Variants in DSCAML1 observed in about 807,000 individuals in gnomAD.
The protein encoded by DSCAML1 is cell adhesion molecule DSCAML1.
Under a neutral mutation model 200.5 loss-of-function variants are expected in DSCAML1, and 38 were observed. That is an observed-to-expected ratio of 0.19 (90% CI 0.15 to 0.25). The LOEUF is 0.25. Ranked by LOEUF, DSCAML1 falls within the 10% of genes least tolerant of loss-of-function variation. The probability of loss-of-function intolerance (pLI) is 1.00; values close to 1 mark genes in which losing one functional copy is unlikely to be tolerated. For missense variants in DSCAML1, 2,223 were observed against 2,858.8 expected (o/e 0.78, Z 5.07); for synonymous variants, 1,215 against 1,165.0 (o/e 1.04, Z -0.87).
chr11:117,609,846 G>A (rs2051650453), intron 3 of DSCAML1, among the ~76,000 whole-genome samples: 1 of 152,048 alleles, frequency 6.6e-6, no homozygotes, highest in Non-Finnish European at 1.5e-5. Flanking sequence ...GTATAGAGTG[G>A]TGAATGGAGT....
intron 3 of DSCAML1, among the ~76,000 whole-genome samples, chr11:117,698,656 A>G (rs1421253200): frequency 6.6e-6 from 1 of 152,156 alleles, no homozygotes; most frequent in Admixed American, 6.5e-5. Flanking sequence ...TTTAATTTGA[A>G]TGTAATCATC....
intron 5 of DSCAML1, among the ~76,000 whole-genome samples, chr11:117,524,249 C>T (rs2049933619): frequency 6.6e-6 from 1 of 152,362 alleles, no homozygotes; most frequent in African/African-American, 2.4e-5. Flanking sequence ...GGGTTGACAT[C>T]CAGCTGGAAG....
At chr11:117,764,545 T>A (rs1170299072) in intron 3 of DSCAML1, among the ~76,000 whole-genome samples, 1 of 152,194 alleles carries the variant, frequency 6.6e-6, no homozygotes, top group African/African-American at 2.4e-5. Flanking sequence ...AATTAAATAA[T>A]GAACTAAAAA....
intron 8 of DSCAML1, among the ~76,000 whole-genome samples, chr11:117,506,149 G>T (rs1022477878): frequency 2.0e-5 from 3 of 152,190 alleles, no homozygotes; most frequent in African/African-American, 7.2e-5. Context: ...GGCAAGAGGG[G>T]AAGCGTGGTG....
At chr11:117,638,696 T>G (rs2052340851) in intron 3 of DSCAML1, among the ~76,000 whole-genome samples, 1 of 152,230 alleles carries the variant, frequency 6.6e-6, no homozygotes, top group South Asian at 2.1e-4. Flanking sequence ...CGTCACAACA[T>G]GAATCTGTAC....
intron 3 of DSCAML1, among the ~76,000 whole-genome samples, chr11:117,698,640 C>T (rs986850238): frequency 6.6e-6 from 1 of 152,050 alleles, no homozygotes; most frequent in Non-Finnish European, 1.5e-5. Context: ...GGCATCTCAT[C>T]GTGATTTTAA....
At position 117,513,715 on chromosome 11, in the gene DSCAML1, T is replaced by C. The variant is rs1592684761; in HGVS notation, c.1783+2752A>G. Among the ~76,000 whole-genome samples the C allele has an allele frequency of 1.5e-5, 2 of 133,854 alleles. 1 individual carries two copies. The highest frequency in any genetic ancestry group is 5.8e-5 in the African/African-American group (2 of 34,618). 87.8% of individuals were successfully genotyped at this position (133,854 alleles called of 152,430 possible). ...GAGATCACGCCACTGCACTGCAACC[T>C]GGGTGACAGAGCAAGACTCTATCTC... is the stretch of plus-strand genomic sequence containing the variant. On this transcript the variant is annotated intron_variant, in intron 8 of 32. Transcript: ENST00000651296.
At chr11:117,692,579 C>A (rs925518333) in intron 3 of DSCAML1, among the ~76,000 whole-genome samples, 2 of 152,070 alleles carry the variant, frequency 1.3e-5, no homozygotes, top group Non-Finnish European at 2.9e-5. Context: ...TATGCAGACA[C>A]GTAGAGTCAT....
At position 117,775,419 on chromosome 11, in the gene DSCAML1, T is replaced by G. The variant is rs1356619035; in HGVS notation, c.511+1372A>C. Among the ~76,000 whole-genome samples the G allele has an allele frequency of 2.0e-5, 3 of 152,282 alleles. No homozygotes were observed. The East Asian group carries it at 5.8e-4, about 29-fold the overall frequency. ...GCTCTCCTCCCCAGACAAAACACCC[T>G]TCCTAACCTTTGCTATTAGCCTATG... On this transcript the variant is annotated intron_variant, in intron 3 of 32. Coordinates refer to ENST00000651296, the MANE Select transcript of DSCAML1 (RefSeq NM_020693.4).
At chr11:117,530,578 G>T in intron 4 of DSCAML1, among the ~76,000 whole-genome samples, 1 of 152,326 alleles carries the variant, frequency 6.6e-6, no homozygotes, top group African/African-American at 2.4e-5. Flanking sequence ...TCGGCACCTC[G>T]TGTGTGTTAG....
chr11:117,804,179 T>A (rs1157649152), intron 1 of DSCAML1, among the ~76,000 whole-genome samples: 1 of 152,236 alleles, frequency 6.6e-6, no homozygotes, highest in Non-Finnish European at 1.5e-5. Flanking sequence ...TGGGCTGCAA[T>A]TTGGGACAGT....
At chr11:117,749,400 G>A (rs1048010029) in intron 3 of DSCAML1, among the ~76,000 whole-genome samples, 1 of 152,230 alleles carries the variant, frequency 6.6e-6, no homozygotes, top group Non-Finnish European at 1.5e-5. Context: ...GAAGGCCAAC[G>A]CTATTGACAC....
At chr11:117,439,139 T>G in intron 23 of DSCAML1, 127 bp downstream of exon 23, 1 of 1,397,690 alleles carries the variant, frequency 7.2e-7, no homozygotes, top group Non-Finnish European at 9.8e-7. Context: ...TGCACCTCTG[T>G]TTCTCCAGAG....
intron 7 of DSCAML1, among the ~76,000 whole-genome samples, chr11:117,517,558 G>A (rs2049797098): frequency 6.6e-6 from 1 of 152,182 alleles, no homozygotes; most frequent in East Asian, 1.9e-4. Context: ...AGGGCAGGAG[G>A]GTGGCCAGAT....
At position 117,649,051 on chromosome 11, in the gene DSCAML1, G is replaced by A. The variant is rs1053440798; in HGVS notation, c.512-116529C>T. Reference sequence around the variant, plus strand: ...TCTCTCTCCATATATATGTGTGTGTGTGTGTGTGTGTGTGTGTGTGTGTGT... The same window carrying A: ...TCTCTCTCCATATATATGTGTGTGTATGTGTGTGTGTGTGTGTGTGTGTGT... On this transcript the variant is annotated intron_variant, in intron 3 of 32. Coordinates refer to ENST00000651296, the MANE Select transcript of DSCAML1 (RefSeq NM_020693.4). 1.0e-2 allele frequency among the ~76,000 whole-genome samples: 1,416 copies of A among 141,650 alleles called. 30 individuals carry two copies. Among genetic ancestry groups the A allele is most frequent in the East Asian group, 0.061 (292 of 4,824 alleles). The allele number at this position is 141,650 out of a possible 152,430, so 92.9% of individuals were successfully genotyped here.
chr11:117,479,793 G>A (rs1158017325), intron 14 of DSCAML1, among the ~76,000 whole-genome samples: 2 of 152,038 alleles, frequency 1.3e-5, no homozygotes, highest in African/African-American at 2.4e-5. Flanking sequence ...GGATTACTGG[G>A]GTGTGCCACC....
At chr11:117,431,063 A>G in intron 31 of DSCAML1, 30 bp from the exon 32 acceptor site, 1 of 1,583,490 alleles carries the variant, frequency 6.3e-7, no homozygotes, top group Non-Finnish European at 8.6e-7. Context: ...GGGGTGGGTT[A>G]CGGGGAGGAG....
chr11:117,634,340 C>G (rs1330446853), intron 3 of DSCAML1, among the ~76,000 whole-genome samples: 1 of 152,210 alleles, frequency 6.6e-6, no homozygotes, highest in Non-Finnish European at 1.5e-5. Flanking sequence ...GTCACTGTCA[C>G]TGGCTGTGTG....
chr11:117,597,512 G>A (rs1177746797), intron 3 of DSCAML1, among the ~76,000 whole-genome samples: 2 of 152,186 alleles, frequency 1.3e-5, no homozygotes, highest in Admixed American at 6.5e-5. Flanking sequence ...GCAATGGCAC[G>A]ATCTGAGCTC....
Sources: gnomAD v4.1 joint callset for allele counts (sites outside exome capture counted in the v4.1 genomes callset) on GRCh38, gnomAD v4.1.1 for gene constraint, MANE v1.5 for transcripts, NCBI Gene and HGNC (gene_info 2026-07-23, HGNC 2026-07-21) for gene names.